ZNF716: variants seen among roughly 807,000 people sequenced by gnomAD.
The protein encoded by ZNF716 is zinc finger protein 716.
A neutral mutation model predicts 13.4 loss-of-function variants in ZNF716; 9 were observed. The ratio of observed to expected loss-of-function variants is 0.67; its 90% CI spans 0.41 to 1.18. The LOEUF (loss-of-function observed/expected upper bound fraction) is 1.18, where lower values mean the gene tolerates loss of function less well. Ranked by LOEUF, ZNF716 falls within the 50% of genes most tolerant of loss-of-function variation. ZNF716 has a pLI of 0.01. For missense variants in ZNF716, 581 were observed against 576.6 expected (o/e 1.01, Z -0.08); for synonymous variants, 186 against 195.2 (o/e 0.95, Z 0.39).
intron 1 of ZNF716, among the ~76,000 whole-genome samples, chr7:57,457,575 CT>C (rs1789621885): frequency 6.6e-6 from 1 of 152,100 alleles, no homozygotes; most frequent in Admixed American, 6.6e-5. Flanking sequence ...AACTCCTGGC[CT>C]CAGGTGATCT....
chr7:57,470,163 T>A lies in ZNF716; in HGVS notation c.*214T>A. ...CAAACCTTAATGAACCCAAGAGAAT[T>A]TATTTAAAAAAATTTTTTTGAGACA... On this transcript the variant is annotated 3_prime_UTR_variant, in exon 4 of 4. Coordinates refer to ENST00000420713, the MANE Select transcript of ZNF716 (RefSeq NM_001159279.1). 1 of 462,408 alleles carries A rather than the reference T, an allele frequency of 2.2e-6. No homozygotes were observed. 28.6% of individuals were successfully genotyped at this position (462,408 alleles called of 1,614,324 possible).
chr7:57,468,688 G>A lies in ZNF716; in HGVS notation c.263-36G>A, dbSNP rs782808522. ...TGCAAAATATATTTATCTGAGTGTA[G>A]TAAGTGGAGAAACTTGTGATTTTTA... On this transcript the variant is annotated intron_variant, in intron 3 of 3. Transcript: ENST00000420713. The A allele has an allele frequency of 7.0e-6, 11 of 1,570,138 alleles. No individual in the cohort carries two copies. The South Asian group carries it at 7.2e-5, about 10-fold the overall frequency.
chr7:57,469,309 T>C lies in ZNF716; in HGVS notation c.848T>C (p.Leu283Pro). Residue 283 changes from leucine (L) to proline (P), a missense_variant, in exon 4 of 4, where the codon CTT becomes CCT. By Grantham distance (98) the Leu-to-Pro change is moderately conservative. Transcript: ENST00000420713. ...ERGKVFSRST[L>P]TNYKRIHTGE... The stretch of plus-strand genomic sequence containing the variant: ...GGCAAAGTCTTTAGCCGCTCAACAC[T>C]TACTAACTACAAGAGAATTCATACT... 1 of 1,589,188 alleles carries C rather than the reference T, an allele frequency of 6.3e-7. No homozygotes were observed. The highest frequency in any genetic ancestry group is 1.7e-5 in the Admixed American group (1 of 58,200).
At position 57,450,373 on chromosome 7, in the gene ZNF716, G is replaced by A; in HGVS notation, c.39+46G>A. 6.2e-7 allele frequency: 1 copy of A among 1,613,728 alleles called. No individual in the cohort carries two copies. The highest frequency in any genetic ancestry group is 8.5e-7 in the Non-Finnish European group (1 of 1,179,852). On this transcript the variant is annotated intron_variant, in intron 1 of 3. Coordinates refer to ENST00000420713, the MANE Select transcript of ZNF716 (RefSeq NM_001159279.1). Reference sequence around the variant, plus strand: ...CGTGAGAGAGGGGTGGGGGCTGGTTGGAACTGACTGAAAGTGGCTGTAGCA... The same window carrying A: ...CGTGAGAGAGGGGTGGGGGCTGGTTAGAACTGACTGAAAGTGGCTGTAGCA...
At position 57,469,382 on chromosome 7, in the gene ZNF716, CTCT is replaced by C. The variant is rs781903550; in HGVS notation, c.924_926del (p.Ser309del). 6.2e-7 allele frequency: 1 copy of C among 1,611,252 alleles called. No homozygotes were observed. On this transcript the variant is annotated inframe_deletion, in exon 4 of 4. Coordinates refer to ENST00000420713, the MANE Select transcript of ZNF716 (RefSeq NM_001159279.1). Reference sequence around the variant, plus strand: ...AAGAATGTGGCAAAGCCTTTAGCCGCTCTTCAACACTTACTAACCACAAGAGAA... The same window carrying C: ...AAGAATGTGGCAAAGCCTTTAGCCGCTCAACACTTACTAACCACAAGAGAA...
intron 3 of ZNF716, among the ~76,000 whole-genome samples, chr7:57,465,415 C>T (rs1473641658): frequency 6.6e-6 from 1 of 152,046 alleles, no homozygotes; most frequent in Non-Finnish European, 1.5e-5. Context: ...TGCAGTAGCA[C>T]AATCTTGGCT....
chr7:57,466,926 AG>A (rs1321084886), intron 3 of ZNF716, among the ~76,000 whole-genome samples: 1 of 152,074 alleles, frequency 6.6e-6, no homozygotes, highest in African/African-American at 2.4e-5. Context: ...ACATATATGT[AG>A]ACATAATAGT....
At position 57,469,152 on chromosome 7, in the gene ZNF716, CAT is replaced by C. The variant is rs1200727891; in HGVS notation, c.693_694del (p.His231GlnfsTer13). The C allele has an allele frequency of 6.2e-7, 1 of 1,611,686 alleles. No individual in the cohort carries two copies. Among genetic ancestry groups the C allele is most frequent in the African/African-American group, 1.3e-5 (1 of 74,856 alleles). ...TAACTGCTCTTCAACCCTTACTAGA[CAT>C]AAAAGAATTCATACTGGAGAGAAAC... ...SFNCSSTLTR[H>X]KRIHTGEKPY... On this transcript the variant is annotated frameshift_variant, in exon 4 of 4. Coordinates refer to ENST00000420713, the MANE Select transcript of ZNF716 (RefSeq NM_001159279.1). LOFTEE classifies it low-confidence loss of function (END_TRUNC).
At chr7:57,463,243 G>A in intron 3 of ZNF716, 75 bp downstream of exon 3, 1 of 1,572,198 alleles carries the variant, frequency 6.4e-7, no homozygotes, top group Admixed American at 1.9e-5. Flanking sequence ...TCCTTAAAAT[G>A]TGGTCTGGGG....
At position 57,452,894 on chromosome 7, in the gene ZNF716, CCT is replaced by C. The variant is rs1480429848; in HGVS notation, c.39+2568_39+2569del. Reference sequence around the variant, plus strand: ...CTGGAGTGTCTAGTGAATATCATCCCCTGAGTTATTTTCTTTTTGAGAATAGC... The same window carrying C: ...CTGGAGTGTCTAGTGAATATCATCCCGAGTTATTTTCTTTTTGAGAATAGC... On this transcript the variant is annotated intron_variant, in intron 1 of 3. Coordinates refer to ENST00000420713, the MANE Select transcript of ZNF716 (RefSeq NM_001159279.1). Among the ~76,000 whole-genome samples the C allele has an allele frequency of 5.3e-5, 8 of 151,946 alleles. No homozygotes were observed. The East Asian group carries it at 5.8e-4, about 11-fold the overall frequency.
At chr7:57,464,137 T>TTTTTTTA (rs1562677761) in intron 3 of ZNF716, among the ~76,000 whole-genome samples, 1 of 148,212 alleles carries the variant, frequency 6.7e-6, no homozygotes, top group Non-Finnish European at 1.5e-5. Flanking sequence ...TTTTTTTTTT[T>TTTTTTTA]TGAGATGGAG....
chr7:57,465,429 C>T (rs563375218), intron 3 of ZNF716, among the ~76,000 whole-genome samples: 10 of 152,126 alleles, frequency 6.6e-5, no homozygotes, highest in South Asian at 2.1e-4. Flanking sequence ...CTTGGCTCAC[C>T]GCAGCCTCAA....
chr7:57,457,677 C>T (rs1789624121), intron 1 of ZNF716, among the ~76,000 whole-genome samples: 1 of 152,038 alleles, frequency 6.6e-6, no homozygotes, highest in South Asian at 2.1e-4. Flanking sequence ...ATTTTAGGTT[C>T]AGGAGTACAT....
At chr7:57,462,709 G>A (rs1352015552) in intron 2 of ZNF716, 123 bp downstream of exon 2, 52 of 1,198,990 alleles carry the variant, frequency 4.3e-5, no homozygotes, top group Non-Finnish European at 6.0e-5. Context: ...AAATCTTGGG[G>A]ATTCATTGGT....
At chr7:57,455,470 A>G (rs73345939) in intron 1 of ZNF716, among the ~76,000 whole-genome samples, 5,461 of 152,276 alleles carry the variant, frequency 0.036, 318 homozygotes, top group East Asian at 0.24. Context: ...ATAGGAAAAA[A>G]TGTTTCTCTT....
intron 1 of ZNF716, 36 bp from the exon 2 acceptor site, chr7:57,462,424 G>C (rs1554323273): frequency 6.2e-7 from 1 of 1,602,074 alleles, no homozygotes; most frequent in African/African-American, 1.3e-5. Flanking sequence ...GTGTGTTCAT[G>C]AGTGTTTTTT....
At position 57,470,018 on chromosome 7, in the gene ZNF716, G is replaced by A. The variant is rs1331058159; in HGVS notation, c.*69G>A. On this transcript the variant is annotated 3_prime_UTR_variant, in exon 4 of 4. Coordinates refer to ENST00000420713, the MANE Select transcript of ZNF716 (RefSeq NM_001159279.1). ...TTTATACTGGAAAAAATCACTACAA[G>A]TGTGGAGAATGTGGCCAATTCTTTA... 4 of 1,413,080 alleles carry A rather than the reference G, an allele frequency of 2.8e-6. No homozygotes were observed. The highest frequency in any genetic ancestry group is 1.5e-5 in the South Asian group (1 of 65,208). 87.5% of individuals were successfully genotyped at this position (1,413,080 alleles called of 1,614,324 possible).
chr7:57,457,343 A>G (rs572025153), intron 1 of ZNF716, among the ~76,000 whole-genome samples: 1 of 151,336 alleles, frequency 6.6e-6, no homozygotes, highest in African/African-American at 2.4e-5. Flanking sequence ...TTTCCCACCC[A>G]TGAATTTTCT....
At chr7:57,456,552 T>C (rs1211375232) in intron 1 of ZNF716, among the ~76,000 whole-genome samples, 4 of 151,888 alleles carry the variant, frequency 2.6e-5, no homozygotes, top group African/African-American at 9.7e-5. Context: ...CTGGCCAACA[T>C]GGTGAAACCC....
Sources: gnomAD v4.1 joint callset for allele counts (sites outside exome capture counted in the v4.1 genomes callset) on GRCh38, gnomAD v4.1.1 for gene constraint, MANE v1.5 for transcripts, NCBI Gene and HGNC (gene_info 2026-07-23, HGNC 2026-07-21) for gene names.